Variants in ETV6 observed in about 807,000 individuals in gnomAD.
ETV6 encodes ETS variant transcription factor 6, also known as transcription factor ETV6.
Under a neutral mutation model 51.1 loss-of-function variants are expected in ETV6, and 16 were observed. The observed-to-expected ratio is 0.31, with a 90% CI of 0.21 to 0.48. The LOEUF (loss-of-function observed/expected upper bound fraction) is 0.48, where lower values mean the gene tolerates loss of function less well. ETV6 is among the 20% of genes least tolerant of loss of function. ETV6 has a pLI of 0.99. For synonymous variants in ETV6, 240 were observed against 224.1 expected (o/e 1.07, Z -0.64); for missense variants, 458 against 594.8 (o/e 0.77, Z 2.39).
chr12:11,799,880 C>A (rs1046346523), intron 2 of ETV6, among the ~76,000 whole-genome samples: 1 of 152,214 alleles, frequency 6.6e-6, no homozygotes, highest in African/African-American at 2.4e-5. Context: ...ATCCTCCTGC[C>A]TTAGCCTCTG....
chr12:11,779,500 C>G (rs1945381476), intron 2 of ETV6, among the ~76,000 whole-genome samples: 1 of 152,184 alleles, frequency 6.6e-6, no homozygotes, highest in African/African-American at 2.4e-5. Context: ...TAAAAATAGC[C>G]TCCATACCGA....
At chr12:11,677,427 C>T (rs1864441622) in intron 1 of ETV6, among the ~76,000 whole-genome samples, 1 of 152,206 alleles carries the variant, frequency 6.6e-6, no homozygotes, top group South Asian at 2.1e-4. Flanking sequence ...CATGCACACA[C>T]ATACACTCTG....
At chr12:11,866,142 A>G (rs1488520194) in intron 4 of ETV6, among the ~76,000 whole-genome samples, 1 of 151,686 alleles carries the variant, frequency 6.6e-6, no homozygotes, top group Non-Finnish European at 1.5e-5. Flanking sequence ...AAGTCCATCT[A>G]GTCCGGTCTT....
chr12:11,780,958 C>T (rs1161043944), intron 2 of ETV6, among the ~76,000 whole-genome samples: 2 of 152,218 alleles, frequency 1.3e-5, no homozygotes, highest in African/African-American at 2.4e-5. Flanking sequence ...CAAAGGTGAA[C>T]AGCTTGGGTT....
At chr12:11,669,365 T>TCCTCCCATCCTCCCTCCCTCCATCCCTC (rs1864261430) in intron 1 of ETV6, among the ~76,000 whole-genome samples, 1 of 100,884 alleles carries the variant, frequency 9.9e-6, no homozygotes, top group African/African-American at 5.8e-5. Flanking sequence ...TGTCCTCCCT[T>TCCTCCCATCCTCCCTCCCTCCATCCCTC]CCTCCCTTCC....
intron 1 of ETV6, among the ~76,000 whole-genome samples, chr12:11,701,815 A>G (rs147405000): frequency 6.6e-6 from 1 of 152,260 alleles, no homozygotes; most frequent in East Asian, 1.9e-4. Flanking sequence ...ACCGTGAGGG[A>G]GAGGTAAGAA....
Position 11,893,349 on chromosome 12 carries a change from A to G in ETV6, c.*2303A>G, listed in dbSNP as rs1947325361. 1.0e-5 allele frequency: 2 copies of G among 200,276 alleles called. No individual in the cohort carries two copies. Among genetic ancestry groups the G allele is most frequent in the Non-Finnish European group, 9.7e-6 (1 of 103,300 alleles). The allele number at this position is 200,276 out of a possible 1,614,324, so 12.4% of individuals were successfully genotyped here. A position where few individuals can be genotyped will look rare whatever the true frequency, so the allele number is the denominator to read the frequency against. On this transcript the variant is annotated 3_prime_UTR_variant, in exon 8 of 8. Transcript: ENST00000396373. ...CCCAAGTGCAAGAACTCAGTCTCTT[A>G]CTGTTCAAAGAATCTTAACAGTTGA... is the stretch of plus-strand genomic sequence containing the variant.
At chr12:11,704,016 A>T (rs1865029433) in intron 1 of ETV6, among the ~76,000 whole-genome samples, 1 of 152,246 alleles carries the variant, frequency 6.6e-6, no homozygotes, top group African/African-American at 2.4e-5. Flanking sequence ...ATGAATTTTC[A>T]GGTCATCCTT....
intron 1 of ETV6, among the ~76,000 whole-genome samples, chr12:11,673,843 C>T (rs982664844): frequency 1.3e-5 from 2 of 152,062 alleles, no homozygotes; most frequent in East Asian, 1.9e-4. Flanking sequence ...AAACTGTGTG[C>T]GTGGTCTCTA....
chr12:11,775,808 C>T (rs986022887), intron 2 of ETV6, among the ~76,000 whole-genome samples: 1 of 152,192 alleles, frequency 6.6e-6, no homozygotes, highest in Admixed American at 6.5e-5. Context: ...ACTGAGACAG[C>T]GAGGGTTCCC....
intron 2 of ETV6, among the ~76,000 whole-genome samples, chr12:11,831,425 GT>G (rs1946243999): frequency 6.6e-6 from 1 of 152,174 alleles, no homozygotes; most frequent in African/African-American, 2.4e-5. Context: ...GTGTTTCACC[GT>G]GTTGGCCAGG....
intron 2 of ETV6, among the ~76,000 whole-genome samples, chr12:11,773,643 C>G (rs1016581534): frequency 6.6e-6 from 1 of 152,244 alleles, no homozygotes; most frequent in African/African-American, 2.4e-5. Context: ...GCACTTTTCT[C>G]ATGGCCTGGC....
chr12:11,702,922 A>G (rs542030290), intron 1 of ETV6, among the ~76,000 whole-genome samples: 1 of 152,344 alleles, frequency 6.6e-6, no homozygotes, highest in South Asian at 2.1e-4. Flanking sequence ...CCTGGGCAAC[A>G]TGGCAAAACC....
intron 1 of ETV6, among the ~76,000 whole-genome samples, chr12:11,747,229 T>C (rs971752181): frequency 2.6e-5 from 4 of 152,186 alleles, no homozygotes; most frequent in African/African-American, 4.8e-5. Context: ...AGTACTGATA[T>C]GTATTCTGCA....
At chr12:11,749,426 G>T (rs1435798073) in intron 1 of ETV6, among the ~76,000 whole-genome samples, 2 of 151,880 alleles carry the variant, frequency 1.3e-5, no homozygotes, top group East Asian at 1.9e-4. Context: ...TTAGAGGTGG[G>T]ACTCTCACCA....
rs532244051 is a variant in ETV6 at position 11,702,467 on chromosome 12, A to G, written c.34-49983A>G. 5.9e-5 allele frequency among the ~76,000 whole-genome samples: 9 copies of G among 152,270 alleles called. No individual in the cohort carries two copies. In the South Asian group the frequency reaches 1.9e-3, roughly 32 times the overall value. On this transcript the variant is annotated intron_variant, in intron 1 of 7. Coordinates refer to ENST00000396373, the MANE Select transcript of ETV6 (RefSeq NM_001987.5). ...TGGGCACTTGGAAGGATAGTTTTTC[A>G]TAGTCTTCATGGGCTAAGTGATTGC...
intron 1 of ETV6, among the ~76,000 whole-genome samples, chr12:11,661,664 G>A (rs1864102195): frequency 6.6e-6 from 1 of 152,250 alleles, no homozygotes; most frequent in South Asian, 2.1e-4. Context: ...GTGCCATTTA[G>A]TCCTTCCCTT....
At chr12:11,794,345 A>G (rs1355482391) in intron 2 of ETV6, among the ~76,000 whole-genome samples, 1 of 152,132 alleles carries the variant, frequency 6.6e-6, no homozygotes, top group African/African-American at 2.4e-5. Context: ...TATTTTGACC[A>G]TTCTGGTCCG....
At chr12:11,794,101 T>G (rs1383741519) in intron 2 of ETV6, among the ~76,000 whole-genome samples, 3 of 152,116 alleles carry the variant, frequency 2.0e-5, no homozygotes, top group Middle Eastern at 3.2e-3. Context: ...GAATCCTGCT[T>G]TCTTAGAGGC....
Sources: gnomAD v4.1 joint callset for allele counts (sites outside exome capture counted in the v4.1 genomes callset) on GRCh38, gnomAD v4.1.1 for gene constraint, MANE v1.5 for transcripts, NCBI Gene and HGNC (gene_info 2026-07-23, HGNC 2026-07-21) for gene names.